Variants in HIP1 observed in about 807,000 individuals in gnomAD.
The protein encoded by HIP1 is huntingtin interacting protein 1, also known as huntingtin-interacting protein 1.
A neutral mutation model predicts 147.6 loss-of-function variants in HIP1; 65 were observed. The observed-to-expected ratio is 0.44, with a 90% CI of 0.36 to 0.54. HIP1 has a LOEUF of 0.54. Ranked by LOEUF, HIP1 falls within the 20% of genes least tolerant of loss-of-function variation. HIP1 has a pLI of 0.00. For synonymous variants in HIP1, 479 were observed against 504.0 expected, an observed-to-expected ratio of 0.95 and a Z score of 0.67; for missense variants, 1,061 against 1,299.6, an observed-to-expected ratio of 0.82 and a Z score of 2.82.
chr7:75,661,398 C>A (rs1412099365), intron 1 of HIP1, among the ~76,000 whole-genome samples: 2 of 150,870 alleles, frequency 1.3e-5, no homozygotes, highest in African/African-American at 4.9e-5. Context: ...CATGGTGAAA[C>A]CCCGTCTCTA....
intron 1 of HIP1, among the ~76,000 whole-genome samples, chr7:75,713,796 G>A (rs781884303): frequency 6.6e-6 from 1 of 151,506 alleles, no homozygotes; most frequent in African/African-American, 2.4e-5. Flanking sequence ...TGCCTCCCGG[G>A]TTCAAGCAAT....
In HIP1 at chr7:75,536,692, A is replaced by G. The variant is rs937605563; in HGVS notation, c.*1480T>C. The G allele has an allele frequency of 5.7e-5, 13 of 228,152 alleles. No individual in the cohort carries two copies. The highest frequency in any genetic ancestry group is 1.7e-5 in the Non-Finnish European group (2 of 115,110). 14.1% of individuals were successfully genotyped at this position (228,152 alleles called of 1,614,324 possible). A position where few individuals can be genotyped will look rare whatever the true frequency, so the allele number is the denominator to read the frequency against. ...GGAGCCGCTGGCTCTGTCCTTTCTC[A>G]TTTTCTCTGACCCAAGAGCTCCAAA... is the stretch of plus-strand genomic sequence containing the variant. On this transcript the variant is annotated 3_prime_UTR_variant, in exon 31 of 31. Transcript: ENST00000336926.
chr7:75,703,688 G>A (rs1291946826), intron 1 of HIP1, among the ~76,000 whole-genome samples: 1 of 151,888 alleles, frequency 6.6e-6, no homozygotes, highest in Non-Finnish European at 1.5e-5. Context: ...GTACCTCCAA[G>A]TACCAGAAGG....
intron 1 of HIP1, among the ~76,000 whole-genome samples, chr7:75,654,858 TAAAG>T (rs1431099874): frequency 4.6e-5 from 7 of 151,928 alleles, no homozygotes; most frequent in Non-Finnish European, 7.4e-5. Flanking sequence ...CTACAAAAAA[TAAAG>T]AAATTAGCCG....
intron 5 of HIP1, among the ~76,000 whole-genome samples, chr7:75,584,673 G>C (rs1430259391): frequency 6.6e-6 from 1 of 151,744 alleles, no homozygotes; most frequent in Non-Finnish European, 1.5e-5. Flanking sequence ...CTATATACAA[G>C]GCAAAGGGAC....
chr7:75,698,956 TA>T (rs1800725489), intron 1 of HIP1, among the ~76,000 whole-genome samples: 1 of 152,076 alleles, frequency 6.6e-6, no homozygotes, highest in South Asian at 2.1e-4. Flanking sequence ...CTCTCTCTCT[TA>T]GGGTTGAGTG....
At chr7:75,563,884 T>G (rs1795316936) in intron 9 of HIP1, among the ~76,000 whole-genome samples, 1 of 152,154 alleles carries the variant, frequency 6.6e-6, no homozygotes, top group African/African-American at 2.4e-5. Flanking sequence ...AACCAATATT[T>G]TTTTTCTCTC....
At position 75,635,022 on chromosome 7, in the gene HIP1, A is replaced by T. The variant is rs192824167; in HGVS notation, c.121-35775T>A. On this transcript the variant is annotated intron_variant, in intron 1 of 30. Transcript: ENST00000336926. Reference sequence around the variant, plus strand: ...ACCACACAAATATAAATTGTTATGTAAACATTATGTTCTTTGGTAATAATT... The same window carrying T: ...ACCACACAAATATAAATTGTTATGTTAACATTATGTTCTTTGGTAATAATT... 2.1e-3 allele frequency among the ~76,000 whole-genome samples: 326 copies of T among 151,956 alleles called. 1 individual carries two copies. Among genetic ancestry groups the T allele is most frequent in the African/African-American group, 7.3e-3 (303 of 41,408 alleles).
chr7:75,538,796 G>T (rs587731573), intron 30 of HIP1, among the ~76,000 whole-genome samples: 1 of 149,432 alleles, frequency 6.7e-6, no homozygotes, highest in African/African-American at 2.5e-5. Context: ...GGATGGTCTC[G>T]ATCTCCTGAC....
intron 1 of HIP1, among the ~76,000 whole-genome samples, chr7:75,649,544 C>T (rs1042442835): frequency 3.3e-5 from 5 of 152,136 alleles, no homozygotes; most frequent in African/African-American, 4.8e-5. Flanking sequence ...TTGCCAGCTG[C>T]GGTTCTTCAC....
At chr7:75,557,855 G>T in intron 15 of HIP1, 85 bp from the exon 16 acceptor site, 1 of 1,019,572 alleles carries the variant, frequency 9.8e-7, no homozygotes. Flanking sequence ...CTCAGGCTGT[G>T]CGTGCCCTAG....
intron 1 of HIP1, among the ~76,000 whole-genome samples, chr7:75,685,706 G>A (rs530515416): frequency 1.3e-4 from 19 of 151,706 alleles, no homozygotes; most frequent in African/African-American, 4.1e-4. Flanking sequence ...CCGCCACCAC[G>A]CCCGGCTAAT....
chr7:75,630,349 C>A (rs1798170166), intron 1 of HIP1, among the ~76,000 whole-genome samples: 1 of 151,272 alleles, frequency 6.6e-6, no homozygotes, highest in Non-Finnish European at 1.5e-5. Flanking sequence ...GTCCCAACTA[C>A]TCGGGAGGCT....
Position 75,558,498 on chromosome 7 carries a change from C to T in HIP1, c.1376-243G>A, listed in dbSNP as rs141881822. Among the ~76,000 whole-genome samples, 25 of 152,182 alleles carry T rather than the reference C, an allele frequency of 1.6e-4. No individual in the cohort carries two copies. In the East Asian group the frequency reaches 3.9e-3, roughly 24 times the overall value. Reference sequence around the variant, plus strand: ...GTTCATGGGCACACGCCACCACACCCGGCTAATTTTTGTAGAGACAGGGTC... The same window carrying T: ...GTTCATGGGCACACGCCACCACACCTGGCTAATTTTTGTAGAGACAGGGTC... On this transcript the variant is annotated intron_variant, in intron 14 of 30. Coordinates refer to ENST00000336926, the MANE Select transcript of HIP1 (RefSeq NM_005338.7).
intron 1 of HIP1, among the ~76,000 whole-genome samples, chr7:75,666,366 C>T (rs1279134701): frequency 3.3e-5 from 5 of 151,630 alleles, no homozygotes; most frequent in Admixed American, 6.6e-5. Flanking sequence ...GACAGGGTTT[C>T]GCCATGTTGG....
intron 1 of HIP1, among the ~76,000 whole-genome samples, chr7:75,600,619 C>T (rs1470155645): frequency 1.3e-5 from 2 of 152,136 alleles, no homozygotes; most frequent in African/African-American, 4.8e-5. Flanking sequence ...TAAATACCTA[C>T]ATACTGAAGA....
At chr7:75,598,400 A>C (rs1796836249) in intron 2 of HIP1, among the ~76,000 whole-genome samples, 1 of 125,884 alleles carries the variant, frequency 7.9e-6, no homozygotes, top group South Asian at 2.5e-4. Flanking sequence ...CTGTCTCAAA[A>C]AAGAAAAAAA....
At chr7:75,577,419 T>C (rs1203865309) in intron 7 of HIP1, among the ~76,000 whole-genome samples, 1 of 151,984 alleles carries the variant, frequency 6.6e-6, no homozygotes, top group African/African-American at 2.4e-5. Flanking sequence ...GTGTTAACTT[T>C]CAGCTACATG....
intron 1 of HIP1, among the ~76,000 whole-genome samples, chr7:75,618,759 T>G (rs1797748858): frequency 1.3e-5 from 2 of 152,200 alleles, no homozygotes; most frequent in South Asian, 4.1e-4. Context: ...CAGTGTCCAA[T>G]TTCTAGAAGT....
Sources: allele counts gnomAD v4.1 joint callset (sites outside exome capture counted in the v4.1 genomes callset), GRCh38; gene constraint gnomAD v4.1.1; transcripts MANE v1.5; gene names NCBI Gene and HGNC (gene_info 2026-07-23, HGNC 2026-07-21).